The following NRXN3 variants were observed in gnomAD, a reference collection of about 807,000 sequenced individuals.
NRXN3 encodes the protein neurexin 3.
Under a neutral mutation model 137.6 loss-of-function variants are expected in NRXN3, and 32 were observed. The ratio of observed to expected loss-of-function variants is 0.23; its 90% CI spans 0.18 to 0.31. NRXN3 has a LOEUF of 0.31. Among genes scored for constraint, NRXN3 ranks in the 10% least tolerant of loss-of-function variants. The probability of loss-of-function intolerance (pLI) is 1.00; values close to 1 mark genes in which losing one functional copy is unlikely to be tolerated. For missense variants in NRXN3, 1,574 were observed against 2,062.5 expected (o/e 0.76, Z 4.59); for synonymous variants, 798 against 784.5 (o/e 1.02, Z -0.29).
At chr14:79,297,684 C>G (rs781522740) in intron 15 of NRXN3, among the ~76,000 whole-genome samples, 39 of 152,128 alleles carry the variant, frequency 2.6e-4, no homozygotes, top group Middle Eastern at 3.4e-3. Flanking sequence ...AAGTTAAGGA[C>G]AGGGTGGTGG....
intron 15 of NRXN3, among the ~76,000 whole-genome samples, chr14:79,190,906 A>G (rs2064212360): frequency 6.6e-6 from 1 of 152,164 alleles, no homozygotes; most frequent in African/African-American, 2.4e-5. Flanking sequence ...ACCCTTATAA[A>G]AACTGTACAT....
intron 17 of NRXN3, among the ~76,000 whole-genome samples, chr14:79,674,946 TA>T (rs571007614): frequency 3.0e-4 from 46 of 152,214 alleles, no homozygotes; most frequent in African/African-American, 1.1e-3. Flanking sequence ...TATCCTTGCA[TA>T]AAATATTTTA....
Position 79,077,575 on chromosome 14 carries a change from G to A in NRXN3, c.3262+89434G>A, listed in dbSNP as rs141128574. Among the ~76,000 whole-genome samples the A allele has an allele frequency of 6.6e-4, 101 of 152,152 alleles. 1 individual carries two copies. The East Asian group carries it at 0.018, about 27-fold the overall frequency. On this transcript the variant is annotated intron_variant, in intron 15 of 20. Coordinates refer to ENST00000335750, the MANE Select transcript of NRXN3 (RefSeq NM_001330195.2). ...CCATTTGAAAAACAGTGCTTCATATGATCCCTGAACTTTTTGGCAATTATA... is the reference window on the plus strand; with the variant it reads ...CCATTTGAAAAACAGTGCTTCATATAATCCCTGAACTTTTTGGCAATTATA...
At chr14:78,508,710 T>C (rs2096046768) in intron 4 of NRXN3, among the ~76,000 whole-genome samples, 1 of 152,100 alleles carries the variant, frequency 6.6e-6, no homozygotes, top group African/African-American at 2.4e-5. Context: ...CCTAAATGTA[T>C]CAAAAGGCCC....
intron 4 of NRXN3, among the ~76,000 whole-genome samples, chr14:78,416,864 G>A (rs1031513582): frequency 6.6e-6 from 1 of 152,192 alleles, no homozygotes; most frequent in Admixed American, 6.5e-5. Flanking sequence ...CTTTACTCCA[G>A]TGGCATTTGG....
intron 15 of NRXN3, among the ~76,000 whole-genome samples, chr14:79,414,532 G>T (rs2095468853): frequency 6.6e-6 from 1 of 152,128 alleles, no homozygotes; most frequent in South Asian, 2.1e-4. Flanking sequence ...AGCAAAAAAT[G>T]TAGAGAGTAT....
chr14:79,488,549 G>A (rs571690161), intron 16 of NRXN3, among the ~76,000 whole-genome samples: 23 of 152,322 alleles, frequency 1.5e-4, no homozygotes, highest in African/African-American at 5.1e-4. Flanking sequence ...TGGGGCAGAA[G>A]AAGGCAGGGA....
Position 78,243,925 on chromosome 14 carries a change from T to A in NRXN3, c.709+123T>A. ...GCTGCATGTTAGATCACTGGGCCCC[T>A]TGCCCTAAGGAGGCAGTGGAAATCC... is the stretch of plus-strand genomic sequence containing the variant. On this transcript the variant is annotated intron_variant, in intron 2 of 20. Transcript: ENST00000335750. This position sits in a 1 kb window ranked among gnomAD's most constrained non-coding sequence, Gnocchi z 4.2. The A allele has an allele frequency of 1.4e-6, 1 of 721,040 alleles. No individual in the cohort carries two copies. The highest frequency in any genetic ancestry group is 1.9e-5 in the South Asian group (1 of 53,202). 44.7% of individuals were successfully genotyped at this position (721,040 alleles called of 1,614,324 possible).
At chr14:78,180,356 A>C (rs2059700055) in intron 1 of NRXN3, among the ~76,000 whole-genome samples, 1 of 152,230 alleles carries the variant, frequency 6.6e-6, no homozygotes, top group African/African-American at 2.4e-5. Context: ...AAAGAAAAAA[A>C]ATGAAGCATC....
intron 19 of NRXN3, among the ~76,000 whole-genome samples, chr14:79,723,312 A>G (rs1489040843): frequency 2.0e-5 from 3 of 152,238 alleles, no homozygotes; most frequent in East Asian, 1.9e-4. Context: ...GGGGATCCAT[A>G]GACACAAAAC....
chr14:79,736,490 C>T (rs554813101), intron 19 of NRXN3, among the ~76,000 whole-genome samples: 3 of 152,196 alleles, frequency 2.0e-5, no homozygotes, highest in South Asian at 2.1e-4. Flanking sequence ...CTGAATATTC[C>T]GAATACACAG....
At chr14:78,649,278 T>TCGGACA in intron 5 of NRXN3, 1 of 1,344,850 alleles carries the variant, frequency 7.4e-7, no homozygotes, top group South Asian at 1.2e-5. Context: ...CACTCAGGCA[T>TCGGACA]CGGACACGCT....
At chr14:78,476,941 C>G (rs1374863504) in intron 4 of NRXN3, among the ~76,000 whole-genome samples, 1 of 152,098 alleles carries the variant, frequency 6.6e-6, no homozygotes, top group South Asian at 2.1e-4. Flanking sequence ...TGATCTTTTT[C>G]TGTGTCTAGT....
At chr14:78,850,496 A>G (rs1199239002) in intron 10 of NRXN3, among the ~76,000 whole-genome samples, 1 of 152,122 alleles carries the variant, frequency 6.6e-6, no homozygotes, top group African/African-American at 2.4e-5. Flanking sequence ...AAATGTAGAA[A>G]GGTATCTACA....
intron 14 of NRXN3, chr14:78,972,967 C>T (rs749153910): frequency 5.3e-5 from 8 of 152,156 alleles, no homozygotes; most frequent in Non-Finnish European, 1.2e-4. Flanking sequence ...CTGTGTAACC[C>T]TTGGTATCTT....
At chr14:79,293,028 A>T (rs184162520) in intron 15 of NRXN3, among the ~76,000 whole-genome samples, 1 of 152,296 alleles carries the variant, frequency 6.6e-6, no homozygotes, top group Non-Finnish European at 1.5e-5. Flanking sequence ...TCTTGGCCTT[A>T]TACAGACAAC....
At chr14:78,438,280 G>GAATCATT (rs1202221443) in intron 4 of NRXN3, among the ~76,000 whole-genome samples, 6 of 152,170 alleles carry the variant, frequency 3.9e-5, no homozygotes, top group Non-Finnish European at 7.3e-5. Context: ...CAGGTGGAGA[G>GAATCATT]AATCATTAAG....
At chr14:78,935,870 A>G (rs1031972278) in intron 10 of NRXN3, among the ~76,000 whole-genome samples, 11 of 152,150 alleles carry the variant, frequency 7.2e-5, no homozygotes, top group Non-Finnish European at 1.5e-4. Context: ...TTCCATTCCT[A>G]TCATTCAGGG....
intron 15 of NRXN3, among the ~76,000 whole-genome samples, chr14:79,233,233 T>C (rs1333372738): frequency 6.6e-6 from 1 of 152,202 alleles, no homozygotes; most frequent in African/African-American, 2.4e-5. Context: ...CTAACACTGT[T>C]AATCTAGATG....
Sources: gnomAD v4.1 joint callset for allele counts (sites outside exome capture counted in the v4.1 genomes callset) on GRCh38, gnomAD v4.1.1 for gene constraint, Gnocchi (gnomAD v3.1) non-coding constraint, MANE v1.5 for transcripts, NCBI Gene and HGNC (gene_info 2026-07-23, HGNC 2026-07-21) for gene names.